Variants in TBC1D32 observed in about 807,000 individuals in gnomAD.
TBC1D32 encodes the protein TBC1 domain family member 32, also known as protein broad-minded.
A neutral mutation model predicts 170.3 loss-of-function variants in TBC1D32; 151 were observed. The observed-to-expected ratio is 0.89, with a 90% CI of 0.78 to 1.01. TBC1D32 has a LOEUF of 1.01. Among genes scored for constraint, TBC1D32 ranks in the 50% least tolerant of loss-of-function variants. The probability of loss-of-function intolerance (pLI) is 0.00; values close to 1 mark genes in which losing one functional copy is unlikely to be tolerated. For missense variants in TBC1D32, 1,464 were observed against 1,457.1 expected (o/e 1.00, Z -0.08); for synonymous variants, 498 against 488.0 (o/e 1.02, Z -0.27).
chr6:121,159,944 TTTC>T, intron 24 of TBC1D32, 63 bp downstream of exon 24: 2 of 1,110,198 alleles, frequency 1.8e-6, no homozygotes, highest in South Asian at 2.7e-5. Flanking sequence ...TCCTTAATAT[TTTC>T]TTTTTTTCAA....
At chr6:121,288,575 C>G (rs1583583619) in intron 12 of TBC1D32, among the ~76,000 whole-genome samples, 2 of 152,112 alleles carry the variant, frequency 1.3e-5, no homozygotes, top group East Asian at 3.9e-4. Flanking sequence ...ACCAGAGGTA[C>G]AAGGAGGAGC....
intron 1 of TBC1D32, among the ~76,000 whole-genome samples, chr6:121,331,621 G>A (rs189771097): frequency 1.2e-3 from 180 of 152,266 alleles, no homozygotes; most frequent in African/African-American, 4.1e-3. Context: ...GTGGAAAAAT[G>A]AGTAATTCTG....
chr6:121,124,976 T>G (rs960495048), intron 26 of TBC1D32, among the ~76,000 whole-genome samples: 7 of 152,194 alleles, frequency 4.6e-5, no homozygotes, highest in Admixed American at 6.6e-5. Flanking sequence ...CTTAAAACAA[T>G]TTAGAAATCT....
In TBC1D32 at chr6:121,080,636, T is replaced by C. The variant is rs998752099; in HGVS notation, c.*135A>G. 4.3e-6 allele frequency: 5 copies of C among 1,155,918 alleles called. No individual in the cohort carries two copies. The African/African-American group carries it at 4.8e-5, about 11-fold the overall frequency. The allele number at this position is 1,155,918 out of a possible 1,614,324, so 71.6% of individuals were successfully genotyped here. A position where few individuals can be genotyped will look rare whatever the true frequency, so the allele number is the denominator to read the frequency against. On this transcript the variant is annotated 3_prime_UTR_variant, in exon 32 of 32. Transcript: ENST00000398212. The stretch of plus-strand genomic sequence containing the variant: ...AATTGAGCTCATACCTACTTAAATA[T>C]ATCGTTATACTTCTCAGTATTTACA...
intron 22 of TBC1D32, among the ~76,000 whole-genome samples, chr6:121,182,337 G>A (rs1435353100): frequency 1.3e-5 from 2 of 151,756 alleles, no homozygotes; most frequent in African/African-American, 2.4e-5. Context: ...GTTATGCTAG[G>A]GTAGGTAATG....
chr6:121,299,312 A>T, intron 10 of TBC1D32, 134 bp downstream of exon 10: 1 of 938,026 alleles, frequency 1.1e-6, no homozygotes, highest in East Asian at 3.2e-5. Context: ...TGGTAGTTTA[A>T]GATCACATAA....
At chr6:121,297,354 A>T (rs1386618391) in intron 10 of TBC1D32, among the ~76,000 whole-genome samples, 1 of 152,118 alleles carries the variant, frequency 6.6e-6, no homozygotes, top group African/African-American at 2.4e-5. Flanking sequence ...CAGAAATTTT[A>T]AAAAAGGTTA....
At chr6:121,303,502 C>A (rs914174375) in intron 9 of TBC1D32, 115 bp downstream of exon 9, 1 of 859,352 alleles carries the variant, frequency 1.2e-6, no homozygotes, top group East Asian at 3.3e-5. Flanking sequence ...AATAAATGAG[C>A]TAACACATGT....
chr6:121,229,171 A>G (rs567012251), intron 20 of TBC1D32, among the ~76,000 whole-genome samples: 75 of 152,144 alleles, frequency 4.9e-4, no homozygotes, highest in African/African-American at 1.8e-3. Context: ...GCCTACAATT[A>G]CCTCGCCTGC....
chr6:121,123,603 T>C (rs1780515376), intron 26 of TBC1D32, among the ~76,000 whole-genome samples: 2 of 152,080 alleles, frequency 1.3e-5, no homozygotes, highest in African/African-American at 4.8e-5. Flanking sequence ...TTTCCATTAC[T>C]TCATTTTCAG....
intron 6 of TBC1D32, 45 bp from the exon 7 acceptor site, chr6:121,304,670 T>C: frequency 6.5e-7 from 1 of 1,542,988 alleles, no homozygotes; most frequent in Non-Finnish European, 8.8e-7. Context: ...TCATTTACAG[T>C]GCTTTCTGAA....
At chr6:121,101,043 G>C (rs1326990948) in intron 30 of TBC1D32, among the ~76,000 whole-genome samples, 1 of 152,082 alleles carries the variant, frequency 6.6e-6, no homozygotes, top group Admixed American at 6.6e-5. Context: ...CCAGGAAGAA[G>C]TTGAATTCCT....
intron 30 of TBC1D32, among the ~76,000 whole-genome samples, chr6:121,104,214 A>C (rs1480812960): frequency 6.6e-6 from 1 of 151,814 alleles, no homozygotes; most frequent in Non-Finnish European, 1.5e-5. Flanking sequence ...AAATCTAAGG[A>C]ATGCAAGGAT....
At chr6:121,249,871 A>G (rs920265815) in intron 17 of TBC1D32, among the ~76,000 whole-genome samples, 2 of 152,116 alleles carry the variant, frequency 1.3e-5, no homozygotes, top group South Asian at 2.1e-4. Flanking sequence ...ATGCTCATAG[A>G]TGGGTAGAAT....
intron 31 of TBC1D32, among the ~76,000 whole-genome samples, chr6:121,089,325 T>C (rs1776568682): frequency 6.6e-6 from 1 of 152,054 alleles, no homozygotes. Flanking sequence ...TTTCGGATGG[T>C]GATAAAAACT....
intron 26 of TBC1D32, among the ~76,000 whole-genome samples, chr6:121,120,364 T>C (rs1031578441): frequency 2.0e-5 from 3 of 152,070 alleles, no homozygotes; most frequent in African/African-American, 7.2e-5. Flanking sequence ...GCTGAATATT[T>C]AGGTAATATA....
chr6:121,178,543 G>C (rs957877017), intron 22 of TBC1D32, among the ~76,000 whole-genome samples: 3 of 152,116 alleles, frequency 2.0e-5, no homozygotes, highest in African/African-American at 7.2e-5. Flanking sequence ...AGGATTTCTG[G>C]ACTGAAAGAA....
intron 17 of TBC1D32, among the ~76,000 whole-genome samples, chr6:121,253,611 C>T (rs1798584366): frequency 6.6e-6 from 1 of 151,952 alleles, no homozygotes; most frequent in Non-Finnish European, 1.5e-5. Context: ...CCCAGCTCCT[C>T]AGGAGGCTGA....
intron 17 of TBC1D32, among the ~76,000 whole-genome samples, chr6:121,249,847 T>C (rs1399488176): frequency 6.6e-6 from 1 of 151,524 alleles, no homozygotes; most frequent in Non-Finnish European, 1.5e-5. Context: ...CACAAACAAA[T>C]GAAAACACAT....
Sources: allele counts gnomAD v4.1 joint callset (sites outside exome capture counted in the v4.1 genomes callset), GRCh38; gene constraint gnomAD v4.1.1; transcripts MANE v1.5; gene names NCBI Gene and HGNC (gene_info 2026-07-23, HGNC 2026-07-21).